Variants in DGKB observed in about 807,000 individuals in gnomAD.
DGKB encodes 90 kDa diacylglycerol kinase.
DGKB carries 67 observed loss-of-function variants against 114.3 expected under a neutral mutation model. The ratio of observed to expected loss-of-function variants is 0.59; its 90% confidence interval spans 0.48 to 0.72. The LOEUF is 0.72. Ranked by LOEUF, DGKB falls within the 30% of genes least tolerant of loss-of-function variation. The probability of loss-of-function intolerance (pLI) is 0.00; values close to 1 mark genes in which losing one functional copy is unlikely to be tolerated. For synonymous variants in DGKB, 398 were observed against 323.1 expected (o/e 1.23, Z -2.49); for missense variants, 907 against 975.2 (o/e 0.93, Z 0.93).
chr7:14,285,008 T>C (rs1474914500), intron 23 of DGKB, among the ~76,000 whole-genome samples: 2 of 132,152 alleles, frequency 1.5e-5, no homozygotes, highest in African/African-American at 5.4e-5. Flanking sequence ...ACTTAAAGTA[T>C]AATAATAAAA....
At chr7:14,645,483 G>C (rs1049191117) in intron 13 of DGKB, among the ~76,000 whole-genome samples, 6 of 151,934 alleles carry the variant, frequency 3.9e-5, no homozygotes, top group African/African-American at 1.2e-4. Context: ...GCAGCAAAGA[G>C]CCACTGGGTG....
intron 3 of DGKB, among the ~76,000 whole-genome samples, chr7:14,755,018 T>C (rs1476422512): frequency 1.3e-5 from 2 of 152,224 alleles, no homozygotes; most frequent in Non-Finnish European, 2.9e-5. Flanking sequence ...CTGGTGAATC[T>C]TGGACAAATC....
intron 5 of DGKB, among the ~76,000 whole-genome samples, chr7:14,719,658 G>A (rs932048789): frequency 5.9e-5 from 9 of 151,896 alleles, no homozygotes; most frequent in African/African-American, 9.7e-5. Context: ...ACCTGACTGC[G>A]TATGTCTCAC....
At chr7:14,423,994 T>C (rs1383350550) in intron 21 of DGKB, among the ~76,000 whole-genome samples, 1 of 152,108 alleles carries the variant, frequency 6.6e-6, no homozygotes, top group African/African-American at 2.4e-5. Flanking sequence ...CAGCCATATT[T>C]CATCACTTTC....
intron 12 of DGKB, among the ~76,000 whole-genome samples, chr7:14,681,423 A>G (rs549355833): frequency 4.0e-5 from 6 of 151,580 alleles, no homozygotes; most frequent in African/African-American, 1.2e-4. Context: ...ATGAGTGTGC[A>G]TGTGTGTGTG....
chr7:14,605,200 T>C (rs910730302), intron 17 of DGKB, among the ~76,000 whole-genome samples: 1 of 151,998 alleles, frequency 6.6e-6, no homozygotes, highest in Admixed American at 6.6e-5. Context: ...TGGAATATCA[T>C]GCAGCAGTTA....
chr7:14,736,902 T>TA (rs1831806584), intron 4 of DGKB, among the ~76,000 whole-genome samples: 1 of 152,164 alleles, frequency 6.6e-6, no homozygotes, highest in Admixed American at 6.6e-5. Flanking sequence ...ACCTCAAGCT[T>TA]AATGAGAGCG....
chr7:14,972,938 C>T (rs60992170), intron 1 of DGKB, among the ~76,000 whole-genome samples: 23 of 151,908 alleles, frequency 1.5e-4, no homozygotes, highest in East Asian at 1.2e-3. Flanking sequence ...AGTGGGTTAA[C>T]GTTATATATG....
chr7:14,619,629 TA>T (rs1345247643), intron 15 of DGKB, among the ~76,000 whole-genome samples: 1 of 151,664 alleles, frequency 6.6e-6, no homozygotes, highest in Non-Finnish European at 1.5e-5. Context: ...ACATACATGT[TA>T]AAAAATTTTA....
intron 13 of DGKB, among the ~76,000 whole-genome samples, chr7:14,656,478 C>T (rs1313191564): frequency 6.6e-6 from 1 of 151,224 alleles, no homozygotes. Context: ...ATCTTCTTGA[C>T]AGTGAACTCC....
intron 17 of DGKB, among the ~76,000 whole-genome samples, chr7:14,589,296 A>T (rs534882635): frequency 1.3e-5 from 2 of 151,930 alleles, no homozygotes; most frequent in Non-Finnish European, 2.9e-5. Context: ...TTGTGGATAC[A>T]TTTGGATTTC....
Position 14,934,922 on chromosome 7 carries a change from T to A in DGKB, c.-188+39774A>T, listed in dbSNP as rs1202665325. On this transcript the variant is annotated intron_variant, in intron 1 of 4. Coordinates refer to the DGKB transcript ENST00000437998. ...GTAAACCCACATAACTGAATTTCTT[T>A]GCAGCCATAATTCTACCTACAGCCT... 3.9e-5 allele frequency among the ~76,000 whole-genome samples: 6 copies of A among 152,186 alleles called. 1 individual carries two copies. The highest frequency in any genetic ancestry group is 3.9e-4 in the Admixed American group (6 of 15,274).
chr7:14,152,472 C>G (rs568708072), intron 25 of DGKB, among the ~76,000 whole-genome samples: 1 of 152,112 alleles, frequency 6.6e-6, no homozygotes, highest in East Asian at 1.9e-4. Flanking sequence ...TTACAACATG[C>G]AAGGTAAATT....
chr7:14,909,289 ATG>A (rs796302525), intron 1 of DGKB, among the ~76,000 whole-genome samples: 5 of 152,266 alleles, frequency 3.3e-5, no homozygotes, highest in African/African-American at 1.2e-4. Context: ...ATATTTTAAA[ATG>A]TCAGATTCTC....
intron 21 of DGKB, among the ~76,000 whole-genome samples, chr7:14,454,185 A>G (rs1831942403): frequency 6.6e-6 from 1 of 152,098 alleles, no homozygotes; most frequent in Non-Finnish European, 1.5e-5. Context: ...GAAATATACC[A>G]CACATTATTG....
chr7:14,696,917 CTGT>C (rs1038648640), intron 8 of DGKB, among the ~76,000 whole-genome samples: 1 of 152,150 alleles, frequency 6.6e-6, no homozygotes, highest in Non-Finnish European at 1.5e-5. Context: ...TGCCATTATC[CTGT>C]TGTTTACCGC....
chr7:14,341,375 G>T (rs1323518988), intron 22 of DGKB, among the ~76,000 whole-genome samples: 2 of 151,848 alleles, frequency 1.3e-5, no homozygotes, highest in Non-Finnish European at 2.9e-5. Flanking sequence ...GTGCATGAAA[G>T]TAAAAGCTGA....
chr7:14,236,057 CCTTT>C (rs1250662199), intron 23 of DGKB, among the ~76,000 whole-genome samples: 1 of 151,878 alleles, frequency 6.6e-6, no homozygotes, highest in Non-Finnish European at 1.5e-5. Context: ...CACTTATTTT[CCTTT>C]CTGTCAAAAA....
chr7:14,884,954 C>T (rs775900442), intron 1 of DGKB, among the ~76,000 whole-genome samples: 31 of 151,972 alleles, frequency 2.0e-4, no homozygotes, highest in Non-Finnish European at 3.7e-4. Flanking sequence ...AAATGAAAAA[C>T]AACAAAAAAC....
Sources: allele counts gnomAD v4.1 joint callset (sites outside exome capture counted in the v4.1 genomes callset), GRCh38; gene constraint gnomAD v4.1.1; transcripts MANE v1.5; gene names NCBI Gene and HGNC (gene_info 2026-07-23, HGNC 2026-07-21).